The following CDKL2 variants were observed in gnomAD, a reference collection of about 807,000 sequenced individuals.
The protein encoded by CDKL2 is cyclin dependent kinase like 2, also known as cyclin-dependent kinase-like 2.
CDKL2 carries 64 observed loss-of-function variants against 63.9 expected under a neutral mutation model. The observed-to-expected ratio is 1.00, with a 90% CI of 0.82 to 1.23. The LOEUF is 1.23. CDKL2 is among the 50% of genes most tolerant of loss of function. The probability of loss-of-function intolerance (pLI) is 0.00; values close to 1 mark genes in which losing one functional copy is unlikely to be tolerated. For missense variants in CDKL2, 656 were observed against 668.0 expected (o/e 0.98, Z 0.20); for synonymous variants, 211 against 229.2 (o/e 0.92, Z 0.72).
chr4:75,602,094 A>C (rs545666824), intron 6 of CDKL2, among the ~76,000 whole-genome samples: 70 of 152,378 alleles, frequency 4.6e-4, no homozygotes, highest in Non-Finnish European at 8.7e-4. Context: ...GGCTGCAGCC[A>C]ATACAGTGGC....
chr4:75,592,546 T>C (rs551955334), intron 10 of CDKL2, among the ~76,000 whole-genome samples: 8 of 152,314 alleles, frequency 5.3e-5, no homozygotes, highest in African/African-American at 1.7e-4. Flanking sequence ...TCCCAGCAAG[T>C]AGTAAAAGGT....
In CDKL2 at chr4:75,614,211, G is replaced by C. The variant is rs1169391501; in HGVS notation, c.363+44C>G. 3 of 1,252,562 alleles carry C rather than the reference G, an allele frequency of 2.4e-6. No homozygotes were observed. In the African/African-American group the frequency reaches 4.5e-5, roughly 19 times the overall value. 77.6% of individuals were successfully genotyped at this position (1,252,562 alleles called of 1,614,324 possible). ...CAATAAGACAGATTAAAGGATTAATGAATAAATATGTGATAAAGCAAATTA... is the reference window on the plus strand; with the variant it reads ...CAATAAGACAGATTAAAGGATTAATCAATAAATATGTGATAAAGCAAATTA... On this transcript the variant is annotated intron_variant, in intron 3 of 13. Coordinates refer to ENST00000307465, the MANE Select transcript of CDKL2 (RefSeq NM_001330724.2).
chr4:75,605,199 C>A (rs185708888), intron 5 of CDKL2, among the ~76,000 whole-genome samples: 35 of 152,014 alleles, frequency 2.3e-4, no homozygotes, highest in Admixed American at 5.2e-4. Context: ...ACTAAAAATA[C>A]GAAATTAGCT....
intron 12 of CDKL2, among the ~76,000 whole-genome samples, chr4:75,582,193 T>G (rs144358621): frequency 4.6e-4 from 70 of 152,294 alleles, no homozygotes; most frequent in African/African-American, 1.7e-3. Context: ...CTTCTACTTA[T>G]TACAAAAATA....
rs768925188 is a variant in CDKL2, at chr4:75,596,332, T to G, written c.1331A>C (p.Glu444Ala). The G allele has an allele frequency of 1.9e-6, 3 of 1,603,080 alleles. No individual in the cohort carries two copies. In the Admixed American group the frequency reaches 5.0e-5, roughly 27 times the overall value. Residue 444 changes from glutamate to alanine, a missense_variant, in exon 10 of 14, where the codon GAG becomes GCG. Coordinates refer to ENST00000307465, the MANE Select transcript of CDKL2 (RefSeq NM_001330724.2). ...TGGAATAGAACACTTCTTAGTTTTCTCATCCACTCTGTAACGACAAAAAAA... is the reference window on the plus strand; with the variant it reads ...TGGAATAGAACACTTCTTAGTTTTCGCATCCACTCTGTAACGACAAAAAAA... The part of the protein sequence containing the change: ...TIPIQGYRVD[E>A]KTKKCSIPFV...
chr4:75,609,405 G>T (rs1158757933), intron 3 of CDKL2, among the ~76,000 whole-genome samples: 4 of 151,748 alleles, frequency 2.6e-5, no homozygotes, highest in Non-Finnish European at 5.9e-5. Context: ...AGGAGTTTGA[G>T]ACCAGCCTGG....
chr4:75,607,825 T>G (rs1478631959), intron 3 of CDKL2, among the ~76,000 whole-genome samples: 2 of 152,206 alleles, frequency 1.3e-5, no homozygotes, highest in African/African-American at 4.8e-5. Context: ...AAAAAAATTT[T>G]TTTTTGAGAC....
intron 2 of CDKL2, among the ~76,000 whole-genome samples, chr4:75,623,843 A>G (rs1317678394): frequency 6.6e-6 from 1 of 152,120 alleles, no homozygotes; most frequent in African/African-American, 2.4e-5. Context: ...GAATTCAGAA[A>G]AATTAGGGGG....
intron 7 of CDKL2, 120 bp downstream of exon 7, chr4:75,600,161 G>A: frequency 1.6e-6 from 1 of 632,856 alleles, no homozygotes; most frequent in Non-Finnish European, 2.8e-6. Context: ...TAGAGTGGTA[G>A]ATATCTGAGA....
At chr4:75,585,631 T>C (rs574864760) in intron 12 of CDKL2, among the ~76,000 whole-genome samples, 1 of 151,252 alleles carries the variant, frequency 6.6e-6, no homozygotes, top group South Asian at 2.1e-4. Context: ...CAAAAATAAA[T>C]AGATACAGGC....
chr4:75,626,435 G>A (rs889782430), intron 1 of CDKL2, among the ~76,000 whole-genome samples: 1 of 152,264 alleles, frequency 6.6e-6, no homozygotes, highest in African/African-American at 2.4e-5. Flanking sequence ...GGGAGGCCAA[G>A]GTGGGCGGAT....
intron 1 of CDKL2, among the ~76,000 whole-genome samples, chr4:75,627,556 C>T (rs1730476918): frequency 6.6e-6 from 1 of 152,074 alleles, no homozygotes; most frequent in Non-Finnish European, 1.5e-5. Context: ...CAGGCGTGAG[C>T]CAGAGCGCCC....
At chr4:75,602,944 A>G (rs1729260775) in intron 6 of CDKL2, among the ~76,000 whole-genome samples, 1 of 146,868 alleles carries the variant, frequency 6.8e-6, no homozygotes, top group Non-Finnish European at 1.5e-5. Context: ...TTCAGTGAGG[A>G]TGTTTTCACA....
chr4:75,579,543 G>T (rs1029507070), intron 13 of CDKL2, among the ~76,000 whole-genome samples: 15 of 152,066 alleles, frequency 9.9e-5, no homozygotes, highest in Non-Finnish European at 7.4e-5. Context: ...CGGCATGGTG[G>T]CCCATGCTTG....
chr4:75,584,469 A>G (rs1176358710), intron 12 of CDKL2, among the ~76,000 whole-genome samples: 1 of 152,222 alleles, frequency 6.6e-6, no homozygotes, highest in Non-Finnish European at 1.5e-5. Context: ...GCAGCCCTGC[A>G]GACACCTTGA....
intron 5 of CDKL2, among the ~76,000 whole-genome samples, chr4:75,605,179 C>T (rs57801103): frequency 0.4 from 60,885 of 151,940 alleles, 12,941 homozygotes; most frequent in African/African-American, 0.51. Context: ...CATGGAGAAA[C>T]GCCATCTCTA....
chr4:75,603,743 GTAA>G, intron 6 of CDKL2, 71 bp downstream of exon 6: 1 of 828,100 alleles, frequency 1.2e-6, no homozygotes, highest in South Asian at 2.0e-5. Flanking sequence ...AACTAGACAA[GTAA>G]AAAAAAAAAA....
Position 75,576,907 on chromosome 4 carries a change from G to C in CDKL2, c.*2295C>G, listed in dbSNP as rs1728046117. Among the ~76,000 whole-genome samples the C allele has an allele frequency of 6.6e-6, 1 of 152,182 alleles. No individual in the cohort carries two copies. The highest frequency in any genetic ancestry group is 2.4e-5 in the African/African-American group (1 of 41,446). ...CCAGGTTCTGTCACAACTATTACCA[G>C]TTAGTCTTTATAAGAAATGTTATTT... On this transcript the variant is annotated 3_prime_UTR_variant, in exon 14 of 14. Transcript: ENST00000307465.
At chr4:75,617,761 C>T (rs1374262753) in intron 2 of CDKL2, among the ~76,000 whole-genome samples, 2 of 152,126 alleles carry the variant, frequency 1.3e-5, no homozygotes, top group African/African-American at 2.4e-5. Context: ...ATGTCAAGTC[C>T]TTCTTGCAAA....
Sources: allele counts gnomAD v4.1 joint callset (sites outside exome capture counted in the v4.1 genomes callset), GRCh38; gene constraint gnomAD v4.1.1; transcripts MANE v1.5; gene names NCBI Gene and HGNC (gene_info 2026-07-23, HGNC 2026-07-21).